CTNNA2: variants seen among roughly 807,000 people sequenced by gnomAD.
The protein encoded by CTNNA2 is catenin alpha 2.
In CTNNA2, 42 loss-of-function variants were observed where a neutral mutation model predicts 101.0. The observed-to-expected ratio is 0.42, with a 90% CI of 0.32 to 0.54. The LOEUF (loss-of-function observed/expected upper bound fraction) is 0.54. Among genes scored for constraint, CTNNA2 ranks in the 20% least tolerant of loss-of-function variants. The pLI is 0.14. For synonymous variants in CTNNA2, 450 were observed against 456.4 expected (o/e 0.99, Z 0.18); for missense variants, 871 against 1,223.1 (o/e 0.71, Z 4.29).
intron 7 of CTNNA2, among the ~76,000 whole-genome samples, chr2:80,079,895 T>TAATAAAATA (rs1553445252): frequency 9.0e-4 from 104 of 115,040 alleles, no homozygotes; most frequent in African/African-American, 3.2e-3. Flanking sequence ...TAAAATAAAA[T>TAATAAAATA]AAATAAAATA....
chr2:80,120,262 TC>T (rs1701758593), intron 7 of CTNNA2, among the ~76,000 whole-genome samples: 1 of 152,222 alleles, frequency 6.6e-6, no homozygotes, highest in Non-Finnish European at 1.5e-5. Context: ...GCACATAATT[TC>T]CAGTGTAAAT....
At chr2:80,077,600 AAC>A (rs1491458023) in intron 7 of CTNNA2, among the ~76,000 whole-genome samples, 2 of 151,814 alleles carry the variant, frequency 1.3e-5, no homozygotes, top group East Asian at 1.9e-4. Flanking sequence ...AAAAAAAAAA[AAC>A]ATAAACAAAA....
chr2:80,598,214 ACAC>A (rs1256552947), intron 15 of CTNNA2, among the ~76,000 whole-genome samples: 2 of 152,092 alleles, frequency 1.3e-5, no homozygotes, highest in Admixed American at 6.6e-5. Context: ...GAACAAAAAA[ACAC>A]CACATGTTCT....
At position 80,426,544 on chromosome 2, in the gene CTNNA2, C is replaced by CT. The variant is rs376440828; in HGVS notation, c.1290+6944dup. Among the ~76,000 whole-genome samples the CT allele has an allele frequency of 5.5e-3, 831 of 152,312 alleles. 7 individuals are homozygous for CT. The highest frequency in any genetic ancestry group is 0.019 in the African/African-American group (784 of 41,556). On this transcript the variant is annotated intron_variant, in intron 9 of 18. Coordinates refer to ENST00000402739, the MANE Select transcript of CTNNA2 (RefSeq NM_001282597.3). ...AGGCCTCTTTTATCTGCCTGGCCCT[C>CT]TACAGTCCCTTCTGCACAGAGCAGT...
intron 1 of CTNNA2, among the ~76,000 whole-genome samples, chr2:79,552,262 A>T (rs889561443): frequency 8.5e-5 from 13 of 152,140 alleles, no homozygotes; most frequent in African/African-American, 2.7e-4. Flanking sequence ...CAGCAGGACA[A>T]TCATTAAACC....
At position 79,361,883 on chromosome 2, in the gene CTNNA2, A is replaced by G. The variant is rs1677638347; in HGVS notation, c.-317-11948A>G. Among the ~76,000 whole-genome samples, 5 of 152,190 alleles carry G rather than the reference A, an allele frequency of 3.3e-5. No homozygotes were observed. In the South Asian group the frequency reaches 1.0e-3, roughly 32 times the overall value. On this transcript the variant is annotated intron_variant, in intron 3 of 21. Coordinates refer to the CTNNA2 transcript ENST00000466387. ...ATTGTAGCCACTCTGGCAGCTGATTACATGGTGCCCACCCAGATTAATGGT... is the reference window on the plus strand; with the variant it reads ...ATTGTAGCCACTCTGGCAGCTGATTGCATGGTGCCCACCCAGATTAATGGT...
chr2:79,303,033 C>T (rs1228130206), intron 2 of CTNNA2, among the ~76,000 whole-genome samples: 1 of 152,122 alleles, frequency 6.6e-6, no homozygotes, highest in African/African-American at 2.4e-5. Context: ...TGAATCTGTG[C>T]CCAGTCTTCT....
intron 9 of CTNNA2, among the ~76,000 whole-genome samples, chr2:80,445,053 C>A (rs1195683134): frequency 1.3e-5 from 2 of 152,150 alleles, no homozygotes; most frequent in South Asian, 4.1e-4. Context: ...TTGAGAAGAT[C>A]ACTTGGGAAC....
At chr2:80,022,267 T>A (rs1252317631) in intron 7 of CTNNA2, among the ~76,000 whole-genome samples, 1 of 152,208 alleles carries the variant, frequency 6.6e-6, no homozygotes, top group African/African-American at 2.4e-5. Context: ...AGGTGGGCCC[T>A]GGAGGTAAAA....
At chr2:80,090,771 A>G (rs1194747654) in intron 7 of CTNNA2, among the ~76,000 whole-genome samples, 2 of 152,098 alleles carry the variant, frequency 1.3e-5, no homozygotes, top group African/African-American at 4.8e-5. Context: ...CTGCATGAGT[A>G]TAGTAGAGGT....
At chr2:80,107,398 G>C (rs573995204) in intron 7 of CTNNA2, among the ~76,000 whole-genome samples, 12 of 151,832 alleles carry the variant, frequency 7.9e-5, no homozygotes, top group Non-Finnish European at 1.8e-4. Flanking sequence ...GATGGCTCTT[G>C]ATTTCAGGGG....
At chr2:79,617,755 C>G (rs1240295640) in intron 1 of CTNNA2, among the ~76,000 whole-genome samples, 1 of 151,996 alleles carries the variant, frequency 6.6e-6, no homozygotes, top group Non-Finnish European at 1.5e-5. Context: ...TAATGAGAAG[C>G]CTGGAGGAAA....
At chr2:80,010,113 C>G (rs1020132751) in intron 7 of CTNNA2, among the ~76,000 whole-genome samples, 2 of 152,146 alleles carry the variant, frequency 1.3e-5, no homozygotes, top group African/African-American at 4.8e-5. Flanking sequence ...TAATAGCTCC[C>G]TACCCCTTCT....
chr2:79,807,036 C>T (rs1003031553), intron 3 of CTNNA2, among the ~76,000 whole-genome samples: 3 of 152,102 alleles, frequency 2.0e-5, no homozygotes, highest in Admixed American at 2.0e-4. Context: ...TTACCTTTGA[C>T]TTCTCTGCTC....
chr2:80,511,307 A>G (rs906200906), intron 9 of CTNNA2, among the ~76,000 whole-genome samples: 8 of 152,226 alleles, frequency 5.3e-5, no homozygotes, highest in Admixed American at 1.3e-4. Flanking sequence ...TACCTTGTCT[A>G]TCAACATCAG....
At chr2:80,073,103 T>C (rs1484776792) in intron 7 of CTNNA2, among the ~76,000 whole-genome samples, 2 of 152,164 alleles carry the variant, frequency 1.3e-5, no homozygotes, top group African/African-American at 4.8e-5. Flanking sequence ...GCACTGAAAA[T>C]ATTTGGAGAA....
chr2:80,069,400 G>A (rs184201558), intron 7 of CTNNA2, among the ~76,000 whole-genome samples: 134 of 152,196 alleles, frequency 8.8e-4, no homozygotes, highest in Middle Eastern at 3.4e-3. Context: ...CAAATCTACC[G>A]CTTGTCAGCA....
intron 9 of CTNNA2, among the ~76,000 whole-genome samples, chr2:80,483,420 A>C (rs1375389385): frequency 6.6e-6 from 1 of 150,570 alleles, no homozygotes; most frequent in Non-Finnish European, 1.5e-5. Flanking sequence ...AAAGTAGATT[A>C]TTTATTGTGC....
chr2:79,252,716 C>A (rs546762360), intron 2 of CTNNA2, among the ~76,000 whole-genome samples: 68 of 152,128 alleles, frequency 4.5e-4, no homozygotes, highest in Admixed American at 1.5e-3. Flanking sequence ...ATTTCTATTA[C>A]ACTAATGTTG....
Sources: gnomAD v4.1 joint callset for allele counts (sites outside exome capture counted in the v4.1 genomes callset) on GRCh38, gnomAD v4.1.1 for gene constraint, MANE v1.5 for transcripts, NCBI Gene and HGNC (gene_info 2026-07-23, HGNC 2026-07-21) for gene names.